Variants in DDX19B observed in about 807,000 individuals in gnomAD.
DDX19B encodes the protein ATP-dependent RNA helicase DDX19B.
DDX19B carries 27 observed loss-of-function variants against 58.1 expected under a neutral mutation model. The ratio of observed to expected loss-of-function variants is 0.46; its 90% CI spans 0.34 to 0.64. DDX19B has a LOEUF of 0.64. Ranked by LOEUF, DDX19B falls within the 30% of genes least tolerant of loss-of-function variation. The pLI, the probability that DDX19B is intolerant of heterozygous loss-of-function variation, is 0.01. For missense variants in DDX19B, 399 were observed against 596.5 expected, an observed-to-expected ratio of 0.67 and a Z score of 3.45; for synonymous variants, 187 against 214.4, an observed-to-expected ratio of 0.87 and a Z score of 1.12.
Position 70,325,639 on chromosome 16 carries a change from C to G in DDX19B, c.558C>G (p.Gly186=). The G allele has an allele frequency of 6.2e-7, 1 of 1,614,048 alleles. No individual in the cohort carries two copies. Among genetic ancestry groups the G allele is most frequent in the Non-Finnish European group, 8.5e-7 (1 of 1,179,996 alleles). ...CAGGAAAAGTGATTGAACAAATGGG[C>G]AAATTTTACCCTGAACTGAAGCTAG... The part of the protein sequence containing the change: ...LQTGKVIEQM[G]KFYPELKLAY... Residue 186 remains glycine, a synonymous_variant, in exon 7 of 12, where the codon GGC becomes GGG. Transcript: ENST00000288071.
intron 5 of DDX19B, chr16:70,317,791 T>C (rs1962518261): frequency 5.7e-6 from 2 of 350,008 alleles, no homozygotes; most frequent in Non-Finnish European, 1.1e-5. Flanking sequence ...AAAAACGTTA[T>C]AAACTTGGCC....
At chr16:70,317,325 G>A in intron 4 of DDX19B, 171 bp from the exon 5 acceptor site, 3 of 423,134 alleles carry the variant, frequency 7.1e-6, no homozygotes, top group Non-Finnish European at 1.3e-5. Context: ...ATGTTGCAGT[G>A]AGCCGAGACT....
At chr16:70,299,393 T>G in intron 1 of DDX19B, 39 bp downstream of exon 1, 1 of 1,563,948 alleles carries the variant, frequency 6.4e-7, no homozygotes, top group Non-Finnish European at 8.6e-7. Context: ...AGGGGACTAG[T>G]TCTGGTCGGA....
rs1025019601 is a variant in DDX19B at position 70,333,772 on chromosome 16, T to A, written c.*190T>A. 1.5e-5 allele frequency: 12 copies of A among 784,760 alleles called. No individual in the cohort carries two copies. Among genetic ancestry groups the A allele is most frequent in the Non-Finnish European group, 2.5e-5 (12 of 480,912 alleles). The allele number at this position is 784,760 out of a possible 1,614,324, so 48.6% of individuals were successfully genotyped here. A position where few individuals can be genotyped will look rare whatever the true frequency, so the allele number is the denominator to read the frequency against. On this transcript the variant is annotated 3_prime_UTR_variant, in exon 12 of 12. Coordinates refer to ENST00000288071, the MANE Select transcript of DDX19B (RefSeq NM_007242.7). Reference sequence around the variant, plus strand: ...AATGATGGGGGATGGTAGAAAAAAATTATTTACACAACCTTGGAAGATTAG... The same window carrying A: ...AATGATGGGGGATGGTAGAAAAAAAATATTTACACAACCTTGGAAGATTAG...
At chr16:70,295,624 G>A (rs900290014), upstream of DDX19B, among the ~76,000 whole-genome samples, 1 of 151,974 alleles carries the variant, frequency 6.6e-6, no homozygotes, top group Non-Finnish European at 1.5e-5. Flanking sequence ...TTGGACCTTA[G>A]TAATTTTATT....
intron 3 of DDX19B, 53 bp from the exon 4 acceptor site, chr16:70,315,916 C>A: frequency 1.3e-6 from 2 of 1,591,266 alleles, no homozygotes; most frequent in Non-Finnish European, 1.7e-6. Flanking sequence ...AGAGTAAACG[C>A]CTGGTAGGTT....
chr16:70,321,229 T>C (rs1219306384), intron 5 of DDX19B, among the ~76,000 whole-genome samples: 1 of 152,208 alleles, frequency 6.6e-6, no homozygotes, highest in East Asian at 1.9e-4. Flanking sequence ...CCCAAAGTGC[T>C]GGGATCACAG....
intron 1 of DDX19B, among the ~76,000 whole-genome samples, chr16:70,310,286 C>T (rs1962014195): frequency 6.6e-6 from 1 of 151,688 alleles, no homozygotes; most frequent in Non-Finnish European, 1.5e-5. Context: ...GAGGCTGAAG[C>T]AGGAGAATCG....
intron 3 of DDX19B, 42 bp downstream of exon 3, chr16:70,314,997 A>T: frequency 1.9e-6 from 3 of 1,590,166 alleles, no homozygotes; most frequent in Non-Finnish European, 2.6e-6. Context: ...AAGCTTCTAC[A>T]TTCTAAGAAA....
upstream of DDX19B, among the ~76,000 whole-genome samples, chr16:70,298,416 C>CA (rs897150375): frequency 5.9e-5 from 9 of 151,688 alleles, 1 homozygote; most frequent in African/African-American, 2.2e-4. Context: ...AAAAAACAAA[C>CA]AAAAACCCAA....
chr16:70,322,013 C>T (rs1307010337), intron 5 of DDX19B, among the ~76,000 whole-genome samples: 5 of 143,582 alleles, frequency 3.5e-5, no homozygotes, highest in African/African-American at 1.3e-4. Flanking sequence ...CCAGCCTGGG[C>T]GACAGAGTGA....
chr16:70,299,221 C>T lies in DDX19B; in HGVS notation c.-77C>T. On this transcript the variant is annotated 5_prime_UTR_variant, in exon 1 of 12. Coordinates refer to ENST00000288071, the MANE Select transcript of DDX19B (RefSeq NM_007242.7). ...AGTGGGGCTGGAGCAGAGCCTGCCGCGAACCCCCGGAGCCCACGATCCCTC... is the reference window on the plus strand; with the variant it reads ...AGTGGGGCTGGAGCAGAGCCTGCCGTGAACCCCCGGAGCCCACGATCCCTC... The T allele has an allele frequency of 6.9e-7, 1 of 1,451,710 alleles. No homozygotes were observed. Among genetic ancestry groups the T allele is most frequent in the African/African-American group, 1.4e-5 (1 of 69,572 alleles). The allele number at this position is 1,451,710 out of a possible 1,614,324, so 89.9% of individuals were successfully genotyped here. A position where few individuals can be genotyped will look rare whatever the true frequency, so the allele number is the denominator to read the frequency against.
chr16:70,332,896 G>A, intron 10 of DDX19B, 72 bp from the exon 11 acceptor site: 5 of 1,613,030 alleles, frequency 3.1e-6, no homozygotes, highest in Non-Finnish European at 4.2e-6. Context: ...ATGCTCCATT[G>A]TATGGATGGA....
intron 10 of DDX19B, among the ~76,000 whole-genome samples, chr16:70,332,598 G>GC (rs1963537061): frequency 1.3e-5 from 2 of 152,010 alleles, no homozygotes; most frequent in South Asian, 2.1e-4. Flanking sequence ...ACCGCACTCG[G>GC]CCCCCCAAAT....
At chr16:70,315,335 C>T (rs752641103) in intron 3 of DDX19B, among the ~76,000 whole-genome samples, 24 of 147,674 alleles carry the variant, frequency 1.6e-4, no homozygotes, top group South Asian at 8.5e-4. Context: ...TGCCATGAGC[C>T]GAGATCGAGC....
chr16:70,306,727 CTAT>C (rs1330402963), intron 1 of DDX19B, among the ~76,000 whole-genome samples: 1 of 152,274 alleles, frequency 6.6e-6, no homozygotes. Flanking sequence ...TCTTGAGACC[CTAT>C]TATTATGACA....
chr16:70,333,199 T>C (rs968559454), intron 11 of DDX19B, 40 bp downstream of exon 11: 2 of 1,020,578 alleles, frequency 2.0e-6, no homozygotes, highest in African/African-American at 3.3e-5. Flanking sequence ...CGCCCTTTGC[T>C]AAGTAGGGCG....
chr16:70,314,653 G>T (rs1334239740), intron 2 of DDX19B, among the ~76,000 whole-genome samples: 2 of 151,854 alleles, frequency 1.3e-5, no homozygotes, highest in East Asian at 3.8e-4. Flanking sequence ...GACAGAGCGA[G>T]ACTCCATCTC....
intron 1 of DDX19B, among the ~76,000 whole-genome samples, chr16:70,312,030 C>CG (rs1962121665): frequency 6.6e-6 from 1 of 151,858 alleles, no homozygotes; most frequent in African/African-American, 2.4e-5. Context: ...TTGGTAGAGA[C>CG]GGGGTTTCAC....
Sources: allele counts gnomAD v4.1 joint callset (sites outside exome capture counted in the v4.1 genomes callset), GRCh38; gene constraint gnomAD v4.1.1; transcripts MANE v1.5; gene names NCBI Gene and HGNC (gene_info 2026-07-23, HGNC 2026-07-21).